GNAI1: variants seen among roughly 807,000 people sequenced by gnomAD.
The protein encoded by GNAI1 is G protein subunit alpha i1, also known as guanine nucleotide-binding protein G(i) subunit alpha-1.
A neutral mutation model predicts 38.9 loss-of-function variants in GNAI1; 11 were observed. The ratio of observed to expected loss-of-function variants is 0.28; its 90% confidence interval spans 0.18 to 0.47. The LOEUF is 0.47. Among genes scored for constraint, GNAI1 ranks in the 20% least tolerant of loss-of-function variants. The probability of loss-of-function intolerance (pLI) is 0.99; values close to 1 mark genes in which losing one functional copy is unlikely to be tolerated. For missense variants in GNAI1, 317 were observed against 436.9 expected (o/e 0.73, Z 2.45); for synonymous variants, 166 against 145.1 (o/e 1.14, Z -1.04).
At chr7:80,177,826 A>C (rs1236904995) in intron 1 of GNAI1, among the ~76,000 whole-genome samples, 1 of 152,204 alleles carries the variant, frequency 6.6e-6, no homozygotes, top group Non-Finnish European at 1.5e-5. Flanking sequence ...GCTTATGATC[A>C]GGAAGTAATT....
chr7:80,220,531 T>C lies in GNAI1; in HGVS notation c.*3038T>C, dbSNP rs1490562007. On this transcript the variant is annotated 3_prime_UTR_variant, in exon 8 of 8. Transcript: ENST00000649796. The stretch of plus-strand genomic sequence containing the variant: ...TCCGAGTCCTCCAGCATTGGACGAG[T>C]GAGCCAATCATTGTCCCAGTTGCCA... 6.6e-6 allele frequency among the ~76,000 whole-genome samples: 1 copy of C among 152,124 alleles called. No individual in the cohort carries two copies. Among genetic ancestry groups the C allele is most frequent in the Non-Finnish European group, 1.5e-5 (1 of 68,032 alleles).
chr7:80,172,334 C>T (rs978937312), intron 1 of GNAI1, among the ~76,000 whole-genome samples: 2 of 152,078 alleles, frequency 1.3e-5, no homozygotes, highest in African/African-American at 4.8e-5. Flanking sequence ...AAGGAATATG[C>T]AATTTGGGAG....
At chr7:80,148,807 G>A (rs984483674) in intron 1 of GNAI1, among the ~76,000 whole-genome samples, 17 of 151,988 alleles carry the variant, frequency 1.1e-4, no homozygotes, top group African/African-American at 4.1e-4. Flanking sequence ...TTATGTGGAT[G>A]TTTACAACTA....
At chr7:80,152,635 A>T (rs549082927) in intron 1 of GNAI1, among the ~76,000 whole-genome samples, 1 of 138,548 alleles carries the variant, frequency 7.2e-6, no homozygotes, top group African/African-American at 2.7e-5. Context: ...TTCTCGGCTC[A>T]CTTCAACCTC....
intron 1 of GNAI1, among the ~76,000 whole-genome samples, chr7:80,175,023 A>G (rs1165697451): frequency 6.6e-6 from 1 of 152,226 alleles, no homozygotes; most frequent in African/African-American, 2.4e-5. Flanking sequence ...CCAAAGCATG[A>G]TGGTTGGTTA....
intron 1 of GNAI1, among the ~76,000 whole-genome samples, chr7:80,174,125 A>C (rs1277524022): frequency 6.6e-6 from 1 of 152,178 alleles, no homozygotes; most frequent in Admixed American, 6.5e-5. Context: ...GGTAGATGCA[A>C]AGGAAATTAA....
At position 80,189,197 on chromosome 7, in the gene GNAI1, G is replaced by C; in HGVS notation, c.269G>C (p.Arg90Thr). 9 of 1,610,694 alleles carry C rather than the reference G, an allele frequency of 5.6e-6. No individual in the cohort carries two copies. Among genetic ancestry groups the C allele is most frequent in the Non-Finnish European group, 6.8e-6 (8 of 1,178,990 alleles). Residue 90 changes from arginine (R) to threonine (T), a missense_variant, in exon 3 of 8, where the codon AGG becomes ACG. Coordinates refer to ENST00000649796, the MANE Select transcript of GNAI1 (RefSeq NM_002069.6). ...SIIAIIRAMG[R>T]LKIDFGDSAR... ...ATTGCTATCATTAGGGCTATGGGGA[G>C]GTTGAAGATAGACTTTGGTGACTCA...
At chr7:80,158,152 A>G (rs1253010297) in intron 1 of GNAI1, among the ~76,000 whole-genome samples, 4 of 152,216 alleles carry the variant, frequency 2.6e-5, no homozygotes, top group Non-Finnish European at 4.4e-5. Flanking sequence ...CCTTGCGAAC[A>G]AGCAGTGTCA....
rs1789149710 is a variant in GNAI1, at chr7:80,225,851, A to G, written c.*8358A>G. On this transcript the variant is annotated 3_prime_UTR_variant, in exon 8 of 8. Coordinates refer to ENST00000649796, the MANE Select transcript of GNAI1 (RefSeq NM_002069.6). ...TCTGAGAAAAATTAGATTTATGTGCAGATTTTAGCTACCCTTGTCCTTGGA... is the reference window on the plus strand; with the variant it reads ...TCTGAGAAAAATTAGATTTATGTGCGGATTTTAGCTACCCTTGTCCTTGGA... 6.6e-6 allele frequency among the ~76,000 whole-genome samples: 1 copy of G among 152,200 alleles called. No individual in the cohort carries two copies. Among genetic ancestry groups the G allele is most frequent in the Non-Finnish European group, 1.5e-5 (1 of 68,034 alleles).
In GNAI1 at chr7:80,223,592, G is replaced by C. The variant is rs1584064111; in HGVS notation, c.*6099G>C. On this transcript the variant is annotated 3_prime_UTR_variant, in exon 8 of 8. Coordinates refer to ENST00000649796, the MANE Select transcript of GNAI1 (RefSeq NM_002069.6). ...TTAATTTCTATTAAATAGTACTGAGGTATCAATTTTGTAGCTTGTGGAATG... is the reference window on the plus strand; with the variant it reads ...TTAATTTCTATTAAATAGTACTGAGCTATCAATTTTGTAGCTTGTGGAATG... Among the ~76,000 whole-genome samples, 1 of 152,148 alleles carries C rather than the reference G, an allele frequency of 6.6e-6. No homozygotes were observed. The highest frequency in any genetic ancestry group is 2.4e-5 in the African/African-American group (1 of 41,444).
chr7:80,144,235 T>TC (rs1787579250), intron 1 of GNAI1, among the ~76,000 whole-genome samples: 1 of 152,100 alleles, frequency 6.6e-6, no homozygotes, highest in African/African-American at 2.4e-5. Context: ...CAAACTTTTT[T>TC]TTTTTTTTGG....
intron 1 of GNAI1, among the ~76,000 whole-genome samples, chr7:80,148,920 A>G (rs1787676221): frequency 1.3e-5 from 2 of 152,114 alleles, no homozygotes; most frequent in African/African-American, 4.8e-5. Flanking sequence ...CTTGAGACTG[A>G]TATGTGGTAT....
chr7:80,196,121 ATTAT>A (rs1788565396), intron 3 of GNAI1, among the ~76,000 whole-genome samples: 1 of 152,006 alleles, frequency 6.6e-6, no homozygotes, highest in Non-Finnish European at 1.5e-5. Flanking sequence ...ATGAGGACTT[ATTAT>A]TTGTCTCTTT....
intron 1 of GNAI1, among the ~76,000 whole-genome samples, chr7:80,184,084 G>A (rs937069015): frequency 2.0e-5 from 3 of 152,148 alleles, no homozygotes; most frequent in Admixed American, 2.0e-4. Flanking sequence ...AGTGGGCGGA[G>A]GGGGAGGACT....
chr7:80,153,601 GT>G (rs1408422088), intron 1 of GNAI1, among the ~76,000 whole-genome samples: 1 of 152,132 alleles, frequency 6.6e-6, no homozygotes, highest in East Asian at 1.9e-4. Context: ...AGTGTTTCTG[GT>G]GAGTTTGTTT....
chr7:80,159,085 T>A (rs548934483), intron 1 of GNAI1, among the ~76,000 whole-genome samples: 6 of 152,286 alleles, frequency 3.9e-5, no homozygotes, highest in African/African-American at 1.4e-4. Flanking sequence ...CTTGTGATGT[T>A]CTCCATGTCA....
At chr7:80,148,922 A>G (rs1430125532) in intron 1 of GNAI1, among the ~76,000 whole-genome samples, 1 of 152,104 alleles carries the variant, frequency 6.6e-6, no homozygotes, top group East Asian at 1.9e-4. Context: ...TGAGACTGAT[A>G]TGTGGTATTA....
intron 3 of GNAI1, among the ~76,000 whole-genome samples, chr7:80,190,367 AAT>A (rs1257586738): frequency 2.6e-5 from 4 of 152,040 alleles, no homozygotes; most frequent in Non-Finnish European, 5.9e-5. Context: ...AGTAGATTTC[AAT>A]ATCATTTTAA....
intron 1 of GNAI1, among the ~76,000 whole-genome samples, chr7:80,181,164 T>C (rs945675844): frequency 1.3e-5 from 2 of 152,122 alleles, no homozygotes; most frequent in Non-Finnish European, 2.9e-5. Flanking sequence ...TGCTGGTTTA[T>C]CTATAAGCAT....
Sources: allele counts gnomAD v4.1 joint callset (sites outside exome capture counted in the v4.1 genomes callset), GRCh38; gene constraint gnomAD v4.1.1; transcripts MANE v1.5; gene names NCBI Gene and HGNC (gene_info 2026-07-23, HGNC 2026-07-21).